Variants in ITPRID1 observed in about 807,000 individuals in gnomAD.
ITPRID1 encodes the protein protein ITPRID1.
A neutral mutation model predicts 95.4 loss-of-function variants in ITPRID1; 96 were observed. That is an observed-to-expected ratio of 1.01 (90% confidence interval 0.85 to 1.19). ITPRID1 has a LOEUF of 1.19. Ranked by LOEUF, ITPRID1 falls within the 50% of genes most tolerant of loss-of-function variation. The pLI is 0.00. For missense variants in ITPRID1, 1,339 were observed against 1,252.9 expected, an observed-to-expected ratio of 1.07 and a Z score of -1.04; for synonymous variants, 510 against 453.6, an observed-to-expected ratio of 1.12 and a Z score of -1.58.
At chr7:31,515,661 G>T (rs758325525) in intron 1 of ITPRID1, among the ~76,000 whole-genome samples, 1 of 152,148 alleles carries the variant, frequency 6.6e-6, no homozygotes, top group Non-Finnish European at 1.5e-5. Context: ...AAAGCCCAGA[G>T]GACAAGGATT....
chr7:31,532,861 A>T (rs1481510466), intron 1 of ITPRID1, among the ~76,000 whole-genome samples: 15 of 152,142 alleles, frequency 9.9e-5, no homozygotes, highest in Admixed American at 9.8e-4. Flanking sequence ...CCAATTTCAC[A>T]TTCCTTTAAC....
chr7:31,556,504 C>T (rs548823388), intron 5 of ITPRID1, among the ~76,000 whole-genome samples: 1 of 152,142 alleles, frequency 6.6e-6, no homozygotes, highest in East Asian at 1.9e-4. Context: ...GGAATGGAGG[C>T]CTGGCCTTCT....
intron 10 of ITPRID1, among the ~76,000 whole-genome samples, chr7:31,640,315 C>T (rs1257546826): frequency 6.6e-6 from 1 of 152,162 alleles, no homozygotes; most frequent in African/African-American, 2.4e-5. Context: ...GTTCTCTTCC[C>T]AGCTTTTGGT....
intron 1 of ITPRID1, among the ~76,000 whole-genome samples, chr7:31,533,377 T>TA (rs989422314): frequency 8.5e-5 from 13 of 152,300 alleles, no homozygotes; most frequent in African/African-American, 3.1e-4. Flanking sequence ...TATCAATTGA[T>TA]AAAAAATCAA....
At chr7:31,590,702 T>C (rs539039879) in intron 10 of ITPRID1, among the ~76,000 whole-genome samples, 1 of 152,270 alleles carries the variant, frequency 6.6e-6, no homozygotes, top group East Asian at 1.9e-4. Flanking sequence ...GGGAGGAAGA[T>C]TGAGGACACT....
intron 10 of ITPRID1, among the ~76,000 whole-genome samples, chr7:31,603,605 C>T (rs1338700383): frequency 6.6e-6 from 1 of 152,152 alleles, no homozygotes; most frequent in Non-Finnish European, 1.5e-5. Flanking sequence ...CATAAGGACA[C>T]TGTAGTGTTC....
rs368704382 is a variant in ITPRID1, at chr7:31,652,838, A to G, written c.*9A>G. ...CAGATGTCTTCCTCTAGATCAGAGC[A>G]GGTTTGTTAACCTTCATACAAAATA... On this transcript the variant is annotated 3_prime_UTR_variant, in exon 15 of 15. Transcript: ENST00000615280. The G allele has an allele frequency of 6.2e-7, 1 of 1,605,078 alleles. No homozygotes were observed. The highest frequency in any genetic ancestry group is 1.3e-5 in the African/African-American group (1 of 74,848).
chr7:31,526,867 A>C (rs924041386), intron 1 of ITPRID1, among the ~76,000 whole-genome samples: 1 of 152,018 alleles, frequency 6.6e-6, no homozygotes, highest in Non-Finnish European at 1.5e-5. Flanking sequence ...GCTTCCATTC[A>C]TTCCATTCTC....
chr7:31,549,370 T>G, intron 1 of ITPRID1, 56 bp from the exon 2 acceptor site: 5 of 1,277,564 alleles, frequency 3.9e-6, no homozygotes, highest in Non-Finnish European at 5.0e-6. Flanking sequence ...AGGGTCAAGT[T>G]TATTTTCTGT....
chr7:31,543,616 C>T (rs960351812), intron 1 of ITPRID1, among the ~76,000 whole-genome samples: 2 of 151,888 alleles, frequency 1.3e-5, no homozygotes, highest in African/African-American at 4.8e-5. Context: ...TAGACTGTTT[C>T]ATTACTGTTG....
At chr7:31,631,289 C>A (rs939654514) in intron 10 of ITPRID1, among the ~76,000 whole-genome samples, 2 of 152,044 alleles carry the variant, frequency 1.3e-5, no homozygotes, top group Non-Finnish European at 2.9e-5. Context: ...CATATGCGTG[C>A]GTGCACACAC....
chr7:31,652,721 G>A lies in ITPRID1; in HGVS notation c.3027G>A (p.Leu1009=), dbSNP rs1282886108. 8 of 1,613,920 alleles carry A rather than the reference G, an allele frequency of 5.0e-6. No homozygotes were observed. Among genetic ancestry groups the A allele is most frequent in the Middle Eastern group, 1.7e-4 (1 of 6,060 alleles). The change falls in exon 15 of 15, where the codon TTG becomes TTA. Residue 1009 remains leucine (L), a synonymous_variant. Transcript: ENST00000615280. ...TQLAAFTPPT[L]ENSTRMSPSS... ...TGGCTGCCTTCACTCCACCCACCTT[G>A]GAGAACAGCACCAGGATGTCTCCTT...
chr7:31,619,949 G>C (rs1031367413), intron 10 of ITPRID1, among the ~76,000 whole-genome samples: 11 of 152,198 alleles, frequency 7.2e-5, no homozygotes, highest in African/African-American at 2.4e-4. Context: ...CGCACCAGGA[G>C]ACTATATCCC....
intron 10 of ITPRID1, among the ~76,000 whole-genome samples, chr7:31,599,643 TTCTTTTTCTTTCTTTCCTTTC>T (rs1562598846): frequency 8.2e-5 from 4 of 48,678 alleles, no homozygotes; most frequent in East Asian, 8.2e-4. Flanking sequence ...CTTTCTTTCT[TTCTTTTTCTTTCTTTCCTTTC>T]TCTCTCTCTC....
At chr7:31,604,076 C>G (rs1404715264) in intron 10 of ITPRID1, among the ~76,000 whole-genome samples, 1 of 152,288 alleles carries the variant, frequency 6.6e-6, no homozygotes, top group East Asian at 1.9e-4. Flanking sequence ...CTTTTAAGGA[C>G]CCTTTGCATG....
rs144634338 is a variant in ITPRID1, at chr7:31,534,598, G to C, written c.-97-14828G>C. ...ATCAGCTTTCTCATGCTTGGTGTTT[G>C]GATGTTAAATGTTTTTCTGTCCTTT... On this transcript the variant is annotated intron_variant, in intron 1 of 14. Transcript: ENST00000615280. Among the ~76,000 whole-genome samples the C allele has an allele frequency of 3.3e-5, 5 of 152,056 alleles. No homozygotes were observed. The East Asian group carries it at 9.7e-4, about 29-fold the overall frequency.
chr7:31,601,304 C>G (rs967617342), intron 10 of ITPRID1, among the ~76,000 whole-genome samples: 1 of 152,176 alleles, frequency 6.6e-6, no homozygotes, highest in East Asian at 1.9e-4. Flanking sequence ...GCTTCAGTCA[C>G]TTTACACATA....
intron 5 of ITPRID1, 94 bp from the exon 6 acceptor site, chr7:31,569,664 A>C (rs1784914894): frequency 9.4e-7 from 1 of 1,060,878 alleles, no homozygotes; most frequent in South Asian, 1.5e-5. Flanking sequence ...TGGATATGGA[A>C]ATTCAATTCT....
At chr7:31,563,691 G>T (rs1420448216) in intron 5 of ITPRID1, among the ~76,000 whole-genome samples, 1 of 152,142 alleles carries the variant, frequency 6.6e-6, no homozygotes, top group Non-Finnish European at 1.5e-5. Context: ...CTGGCAGTGG[G>T]GAGGGGGAAC....
Sources: gnomAD v4.1 joint callset for allele counts (sites outside exome capture counted in the v4.1 genomes callset) on GRCh38, gnomAD v4.1.1 for gene constraint, MANE v1.5 for transcripts, NCBI Gene and HGNC (gene_info 2026-07-23, HGNC 2026-07-21) for gene names.